Variants in ZAR1L observed in about 807,000 individuals in gnomAD.
The protein encoded by ZAR1L is zygote arrest 1 like.
Under a neutral mutation model 30.0 loss-of-function variants are expected in ZAR1L, and 16 were observed. The ratio of observed to expected loss-of-function variants is 0.53; its 90% CI spans 0.36 to 0.81. The LOEUF (loss-of-function observed/expected upper bound fraction) is 0.81. Among genes scored for constraint, ZAR1L ranks in the 30% least tolerant of loss-of-function variants. The probability of loss-of-function intolerance (pLI) is 0.00; values close to 1 mark genes in which losing one functional copy is unlikely to be tolerated. For missense variants in ZAR1L, 392 were observed against 417.2 expected (o/e 0.94, Z 0.53); for synonymous variants, 197 against 166.8 (o/e 1.18, Z -1.40).
intron 5 of ZAR1L, among the ~76,000 whole-genome samples, chr13:32,305,330 C>T (rs1313830100): frequency 1.3e-5 from 2 of 151,928 alleles, no homozygotes; most frequent in Admixed American, 1.3e-4. Context: ...GGGTTCACGC[C>T]ATTCTCCTGC....
At chr13:32,304,265 C>T (rs567187050) in intron 5 of ZAR1L, among the ~76,000 whole-genome samples, 78 of 152,276 alleles carry the variant, frequency 5.1e-4, no homozygotes, top group Admixed American at 2.0e-3. Context: ...ATCAAGACAA[C>T]ATAATGTAAA....
At position 32,311,476 on chromosome 13, in the gene ZAR1L, G is replaced by T. The variant is rs1261776579; in HGVS notation, c.450C>A (p.Asp150Glu). ...CCGGGAGCGCCTTGCTCTCCGCTTC[G>T]TCCCCATCTCTCCGCAGGCGGATCA... The part of the protein sequence containing the change: ...RGLIRLRRDG[D>E]EAESKALPGP... Residue 150 changes from aspartate to glutamate, a missense_variant, in exon 3 of 6, where the codon GAC (aspartate) becomes GAA (glutamate). By Grantham distance (45) the Asp-to-Glu change is conservative. Coordinates refer to ENST00000533490, the MANE Select transcript of ZAR1L (RefSeq NM_001136571.2). The T allele has an allele frequency of 3.2e-6, 5 of 1,546,050 alleles. No homozygotes were observed. The highest frequency in any genetic ancestry group is 2.7e-5 in the African/African-American group (2 of 73,034).
chr13:32,304,587 A>G (rs2138684136), intron 5 of ZAR1L, among the ~76,000 whole-genome samples: 1 of 152,318 alleles, frequency 6.6e-6, no homozygotes, highest in South Asian at 2.1e-4. Context: ...AGAGAAGGGT[A>G]TTCTGGAGGA....
Position 32,308,701 on chromosome 13 carries a change from T to C in ZAR1L, c.807A>G (p.Glu269=), listed in dbSNP as rs1342048898. Residue 269 remains glutamate (E), a synonymous_variant, in exon 5 of 6, where the codon GAA becomes GAG. Coordinates refer to ENST00000533490, the MANE Select transcript of ZAR1L (RefSeq NM_001136571.2). ...ATATGCTCACCTGACATTGGATTGC[T>C]TCTACTCGATAAGGGTTAAAACTCT... ...CQKSFNPYRV[E]AIQCQTCSKS... 1 of 1,551,094 alleles carries C rather than the reference T, an allele frequency of 6.4e-7. No homozygotes were observed. Among genetic ancestry groups the C allele is most frequent in the East Asian group, 2.4e-5 (1 of 40,886 alleles).
chr13:32,310,846 A>G (rs2072207098), intron 3 of ZAR1L, 115 bp from the exon 4 acceptor site: 1 of 709,306 alleles, frequency 1.4e-6, no homozygotes, highest in South Asian at 1.6e-5. Context: ...ACTTGTATCT[A>G]TTCTCAAGAC....
At chr13:32,304,793 A>G (rs919635959) in intron 5 of ZAR1L, among the ~76,000 whole-genome samples, 1 of 151,306 alleles carries the variant, frequency 6.6e-6, no homozygotes. Context: ...GCCACATGGA[A>G]TAAGTCAAGA....
intron 4 of ZAR1L, among the ~76,000 whole-genome samples, 185 bp from the exon 5 acceptor site, chr13:32,308,945 C>A (rs906716538): frequency 6.6e-6 from 1 of 151,754 alleles, no homozygotes; most frequent in African/African-American, 2.4e-5. Context: ...TCTTATTAAT[C>A]ACTTTTTCTT....
chr13:32,311,262 G>C lies in ZAR1L; in HGVS notation c.654+10C>G, dbSNP rs1404380074. ...GGTCGAGGACTAAGAAGAGGGAAGA[G>C]AGGATCTACCTGGAAGTTGGGCCTC... is the stretch of plus-strand genomic sequence containing the variant. On this transcript the variant is annotated intron_variant, in intron 3 of 5. Transcript: ENST00000533490. The C allele has an allele frequency of 6.5e-7, 1 of 1,542,280 alleles. No homozygotes were observed. The highest frequency in any genetic ancestry group is 8.8e-7 in the Non-Finnish European group (1 of 1,142,608).
intron 2 of ZAR1L, among the ~76,000 whole-genome samples, chr13:32,312,437 C>G (rs9534156): frequency 0.14 from 20,943 of 152,222 alleles, 1,889 homozygotes; most frequent in Admixed American, 0.18. Context: ...AAATCAATAT[C>G]CTGAAGAGAT....
chr13:32,310,751 G>T lies in ZAR1L; in HGVS notation c.655-20C>A. On this transcript the variant is annotated intron_variant, in intron 3 of 5. Transcript: ENST00000533490. ...CAAAAACTGAAAATAAAGAAGAAAA[G>T]TACTTTACCATCATGCAAGGGGAAA... The T allele has an allele frequency of 2.0e-6, 3 of 1,493,008 alleles. No homozygotes were observed. Among genetic ancestry groups the T allele is most frequent in the Non-Finnish European group, 2.7e-6 (3 of 1,093,872 alleles). The allele number at this position is 1,493,008 out of a possible 1,614,324, so 92.5% of individuals were successfully genotyped here. A position where few individuals can be genotyped will look rare whatever the true frequency, so the allele number is the denominator to read the frequency against.
chr13:32,310,236 C>T (rs1222655864), intron 4 of ZAR1L, among the ~76,000 whole-genome samples: 5 of 152,272 alleles, frequency 3.3e-5, no homozygotes, highest in Admixed American at 6.5e-5. Flanking sequence ...TTAGGCGTAG[C>T]CTAAGTCTCT....
chr13:32,311,176 G>T, intron 3 of ZAR1L, 96 bp downstream of exon 3: 1 of 1,313,956 alleles, frequency 7.6e-7, no homozygotes. Flanking sequence ...CATGGAAGAA[G>T]AGAGAGAAGA....
chr13:32,307,835 C>G (rs1195178035), intron 5 of ZAR1L, among the ~76,000 whole-genome samples: 1 of 152,056 alleles, frequency 6.6e-6, no homozygotes, highest in African/African-American at 2.4e-5. Flanking sequence ...TGGAGTCTTG[C>G]TCTGTTGCCC....
chr13:32,313,425 G>A (rs2072228025), intron 2 of ZAR1L, among the ~76,000 whole-genome samples: 2 of 152,242 alleles, frequency 1.3e-5, no homozygotes, highest in Admixed American at 6.5e-5. Flanking sequence ...GGAGTGCAGT[G>A]GCATGATTTC....
intron 2 of ZAR1L, among the ~76,000 whole-genome samples, chr13:32,313,925 A>C (rs206114): frequency 0.55 from 83,338 of 151,968 alleles, 23,140 homozygotes; most frequent in East Asian, 0.64. Context: ...CCCCTCCCCC[A>C]CAAAAAGGGG....
chr13:32,308,813 C>T, intron 4 of ZAR1L, 53 bp from the exon 5 acceptor site: 1 of 1,211,526 alleles, frequency 8.3e-7, no homozygotes, highest in South Asian at 1.3e-5. Flanking sequence ...CACCCACACC[C>T]TGCAAAGGCT....
chr13:32,308,549 G>A (rs759165486), intron 5 of ZAR1L, 137 bp downstream of exon 5: 2 of 627,472 alleles, frequency 3.2e-6, no homozygotes, highest in Non-Finnish European at 5.4e-6. Flanking sequence ...TGCTTTCATT[G>A]TTCTAAAATG....
chr13:32,314,672 AG>A (rs2138692863), intron 1 of ZAR1L, 122 bp from the exon 2 acceptor site: 1 of 152,178 alleles, frequency 6.6e-6, no homozygotes, highest in East Asian at 1.9e-4. Context: ...CCAACAACGG[AG>A]AAACCCCGTC....
rs551201675 is a variant in ZAR1L at position 32,312,187 on chromosome 13, CTT to C, written c.-168-96_-168-95del. On this transcript the variant is annotated intron_variant, in intron 2 of 5. Transcript: ENST00000533490. ...CCCTACCTCTTCACTGTTCGGGAAT[CTT>C]TTTTTCAAAGCTGTTTTTCATTTCC... is the stretch of plus-strand genomic sequence containing the variant. 29 of 432,114 alleles carry C rather than the reference CTT, an allele frequency of 6.7e-5. No individual in the cohort carries two copies. The Admixed American group carries it at 8.9e-4, about 13-fold the overall frequency. The allele number at this position is 432,114 out of a possible 1,614,324, so 26.8% of individuals were successfully genotyped here.
Sources: gnomAD v4.1 joint callset for allele counts (sites outside exome capture counted in the v4.1 genomes callset) on GRCh38, gnomAD v4.1.1 for gene constraint, MANE v1.5 for transcripts, NCBI Gene and HGNC (gene_info 2026-07-23, HGNC 2026-07-21) for gene names.